GRID2: variants seen among roughly 807,000 people sequenced by gnomAD.
The protein encoded by GRID2 is glutamate receptor ionotropic, delta-2.
In GRID2, 33 loss-of-function variants were observed where a neutral mutation model predicts 114.8. The ratio of observed to expected loss-of-function variants is 0.29; its 90% CI spans 0.22 to 0.38. GRID2 has a LOEUF of 0.38. Ranked by LOEUF, GRID2 falls within the 10% of genes least tolerant of loss-of-function variation. GRID2 has a pLI of 1.00. For missense variants in GRID2, 1,184 were observed against 1,257.7 expected, an observed-to-expected ratio of 0.94 and a Z score of 0.89; for synonymous variants, 505 against 449.9, an observed-to-expected ratio of 1.12 and a Z score of -1.55.
intron 1 of GRID2, among the ~76,000 whole-genome samples, chr4:92,560,093 A>G (rs529931041): frequency 7.2e-5 from 11 of 152,344 alleles, no homozygotes; most frequent in African/African-American, 2.4e-4. Flanking sequence ...TAGGAGTTCT[A>G]AATGAGGGAC....
intron 3 of GRID2, among the ~76,000 whole-genome samples, chr4:93,104,585 A>G (rs1428128300): frequency 6.6e-6 from 1 of 151,794 alleles, no homozygotes; most frequent in Non-Finnish European, 1.5e-5. Context: ...GCAATAGTTT[A>G]CTGAGAATGA....
At chr4:93,215,637 G>A (rs1744122253) in intron 5 of GRID2, among the ~76,000 whole-genome samples, 2 of 150,984 alleles carry the variant, frequency 1.3e-5, no homozygotes, top group African/African-American at 4.9e-5. Flanking sequence ...CTGATGGGAG[G>A]CATCATTTTA....
chr4:93,474,885 T>C (rs1275955414), intron 11 of GRID2, among the ~76,000 whole-genome samples: 2 of 152,172 alleles, frequency 1.3e-5, no homozygotes, highest in African/African-American at 4.8e-5. Context: ...CTTAAAACAA[T>C]GCATAATGCC....
chr4:92,924,352 A>T (rs994355414), intron 2 of GRID2, among the ~76,000 whole-genome samples: 1 of 152,094 alleles, frequency 6.6e-6, no homozygotes, highest in African/African-American at 2.4e-5. Context: ...ATACATATGT[A>T]ACTAACCTGC....
chr4:93,017,882 C>CTTTTTT (rs528393000), intron 2 of GRID2, among the ~76,000 whole-genome samples: 2 of 119,118 alleles, frequency 1.7e-5, no homozygotes, highest in Non-Finnish European at 3.6e-5. Flanking sequence ...AGACAGTAAG[C>CTTTTTT]TTTTTTTTTT....
At chr4:92,683,216 G>A (rs180832600) in intron 2 of GRID2, among the ~76,000 whole-genome samples, 36 of 151,254 alleles carry the variant, frequency 2.4e-4, no homozygotes, top group Admixed American at 1.1e-3. Context: ...GGAGAATCTC[G>A]TGAATCCAGA....
chr4:93,570,376 T>C (rs952128226), intron 13 of GRID2, among the ~76,000 whole-genome samples: 1 of 152,256 alleles, frequency 6.6e-6, no homozygotes, highest in South Asian at 2.1e-4. Context: ...ATGGAACTTC[T>C]TAGGTTGATA....
intron 14 of GRID2, among the ~76,000 whole-genome samples, chr4:93,735,923 A>G (rs535355145): frequency 2.0e-5 from 3 of 152,104 alleles, no homozygotes; most frequent in African/African-American, 7.2e-5. Context: ...TCTGTGTACT[A>G]TGCAGGGAAA....
chr4:93,140,720 C>G (rs1458705872), intron 4 of GRID2, among the ~76,000 whole-genome samples: 1 of 152,182 alleles, frequency 6.6e-6, no homozygotes, highest in African/African-American at 2.4e-5. Context: ...CTGATACTAA[C>G]TTTGTAGCAT....
At chr4:92,923,004 A>G (rs1749493288) in intron 2 of GRID2, among the ~76,000 whole-genome samples, 2 of 152,288 alleles carry the variant, frequency 1.3e-5, no homozygotes, top group South Asian at 4.1e-4. Flanking sequence ...ATACCATTAA[A>G]CTTTACATAT....
chr4:93,515,648 C>T (rs1278881833), intron 13 of GRID2, among the ~76,000 whole-genome samples: 1 of 152,088 alleles, frequency 6.6e-6, no homozygotes, highest in Non-Finnish European at 1.5e-5. Flanking sequence ...ATCAAATACA[C>T]ACACTGGTAT....
rs144302782 is a variant in GRID2, at chr4:92,461,167, A to G, written c.89-128964A>G. Among the ~76,000 whole-genome samples the G allele has an allele frequency of 3.7e-4, 57 of 152,076 alleles. No individual in the cohort carries two copies. The East Asian group carries it at 9.7e-3, about 26-fold the overall frequency. ...AGTGTTTAAAGTAAAATATTTTATC[A>G]GGTATACTTATGAAACATCAAGTAT... On this transcript the variant is annotated intron_variant, in intron 1 of 15. Coordinates refer to ENST00000282020, the MANE Select transcript of GRID2 (RefSeq NM_001510.4).
At chr4:93,037,383 A>G (rs986354148) in intron 2 of GRID2, among the ~76,000 whole-genome samples, 1 of 152,134 alleles carries the variant, frequency 6.6e-6, no homozygotes, top group East Asian at 1.9e-4. Flanking sequence ...ATCCCATTCT[A>G]TAAGTTGCCT....
chr4:92,604,455 A>G (rs912509768), intron 2 of GRID2, among the ~76,000 whole-genome samples: 1 of 151,976 alleles, frequency 6.6e-6, no homozygotes, highest in Non-Finnish European at 1.5e-5. Context: ...ACCAAACACC[A>G]CCTGTTCTCA....
intron 2 of GRID2, among the ~76,000 whole-genome samples, chr4:92,815,803 C>A (rs1169434374): frequency 6.7e-6 from 1 of 150,340 alleles, no homozygotes; most frequent in African/African-American, 2.4e-5. Context: ...TACCTGTAGT[C>A]CCAGCTACTT....
intron 2 of GRID2, among the ~76,000 whole-genome samples, chr4:93,037,092 A>C (rs2149263941): frequency 6.6e-6 from 1 of 152,220 alleles, no homozygotes. Context: ...AGACACTCAA[A>C]TTGTTTTTAT....
intron 1 of GRID2, among the ~76,000 whole-genome samples, chr4:92,369,081 T>TA (rs1729000971): frequency 6.6e-6 from 1 of 152,088 alleles, no homozygotes; most frequent in Admixed American, 6.6e-5. Flanking sequence ...TACTAGCTGG[T>TA]AAAAACCAGC....
intron 8 of GRID2, among the ~76,000 whole-genome samples, chr4:93,327,739 T>A (rs1275234586): frequency 7.4e-6 from 1 of 135,570 alleles, no homozygotes; most frequent in Non-Finnish European, 1.6e-5. Context: ...ACTGGAAGGG[T>A]GGGGGTCAAG....
intron 2 of GRID2, among the ~76,000 whole-genome samples, chr4:92,700,143 G>A (rs985859311): frequency 1.3e-5 from 2 of 152,134 alleles, no homozygotes; most frequent in African/African-American, 4.8e-5. Context: ...AACTCAGCTG[G>A]GTTAGGAGTT....
Sources: gnomAD v4.1 joint callset for allele counts (sites outside exome capture counted in the v4.1 genomes callset) on GRCh38, gnomAD v4.1.1 for gene constraint, MANE v1.5 for transcripts, NCBI Gene and HGNC (gene_info 2026-07-23, HGNC 2026-07-21) for gene names.